Variants in YLPM1 observed in about 807,000 individuals in gnomAD.
The protein encoded by YLPM1 is YLP motif-containing protein 1.
A neutral mutation model predicts 230.0 loss-of-function variants in YLPM1; 99 were observed. The observed-to-expected ratio is 0.43, with a 90% confidence interval of 0.37 to 0.51. The LOEUF (loss-of-function observed/expected upper bound fraction) is 0.51, where lower values mean the gene tolerates loss of function less well. Among genes scored for constraint, YLPM1 ranks in the 20% least tolerant of loss-of-function variants. The pLI, the probability that YLPM1 is intolerant of heterozygous loss-of-function variation, is 0.00. For missense variants in YLPM1, 2,592 were observed against 2,707.7 expected (o/e 0.96, Z 0.95); for synonymous variants, 984 against 942.5 (o/e 1.04, Z -0.81).
Position 74,781,783 on chromosome 14 carries a change from T to C in YLPM1, c.1740T>C (p.Pro580=). The change falls in exon 4 of 21, where the codon CCT becomes CCC. Residue 580 remains proline, a synonymous_variant. Coordinates refer to ENST00000325680, the MANE Select transcript of YLPM1 (RefSeq NM_019589.3). ...PTSVPPPGMP[P]SLSSAGPPPV... ...CTGTTCCCCCACCAGGGATGCCTCC[T>C]TCTCTCTCTTCTGCAGGGCCACCAC... is the stretch of plus-strand genomic sequence containing the variant. 1 of 1,606,344 alleles carries C rather than the reference T, an allele frequency of 6.2e-7. No individual in the cohort carries two copies.
At position 74,778,343 on chromosome 14, in the gene YLPM1, A is replaced by G. The variant is rs1479727321; in HGVS notation, c.874-104A>G. ...TCAGTCTAGCTTTGCCTTTTTTTAC[A>G]TATAGACACATGAACACAGACATAA... is the stretch of plus-strand genomic sequence containing the variant. On this transcript the variant is annotated intron_variant, in intron 1 of 20. Coordinates refer to ENST00000325680, the MANE Select transcript of YLPM1 (RefSeq NM_019589.3). 7 of 995,366 alleles carry G rather than the reference A, an allele frequency of 7.0e-6. 1 individual carries two copies. The South Asian group carries it at 8.5e-5, about 12-fold the overall frequency. The allele number at this position is 995,366 out of a possible 1,614,324, so 61.7% of individuals were successfully genotyped here.
chr14:74,830,253 G>A (rs148024652), intron 19 of YLPM1, among the ~76,000 whole-genome samples: 272 of 152,200 alleles, frequency 1.8e-3, no homozygotes, highest in African/African-American at 4.2e-3. Flanking sequence ...AAATGATGAA[G>A]TACAGTACAG....
chr14:74,805,284 G>T (rs757995835), intron 6 of YLPM1, among the ~76,000 whole-genome samples: 4 of 151,952 alleles, frequency 2.6e-5, no homozygotes, highest in Non-Finnish European at 4.4e-5. Flanking sequence ...GCCTCCGAAA[G>T]TGCTGGGATT....
chr14:74,763,807 G>C lies in YLPM1; in HGVS notation c.318G>C (p.Pro106=). ...GAGACTGGCAGCCGCCACCGCCACC[G>C]ATGCCCCCGCCACCCGGGCCGGCCC... The part of the protein sequence containing the change: ...GYGDWQPPPP[P]MPPPPGPALS... Residue 106 remains proline, a synonymous_variant, in exon 1 of 21, where the codon CCG becomes CCC. Transcript: ENST00000325680. The C allele has an allele frequency of 6.6e-7, 1 of 1,510,888 alleles. No homozygotes were observed. The highest frequency in any genetic ancestry group is 8.9e-7 in the Non-Finnish European group (1 of 1,129,546). The allele number at this position is 1,510,888 out of a possible 1,614,324, so 93.6% of individuals were successfully genotyped here. A position where few individuals can be genotyped will look rare whatever the true frequency, so the allele number is the denominator to read the frequency against.
At chr14:74,813,299 C>G (rs2091451210) in intron 11 of YLPM1, among the ~76,000 whole-genome samples, 1 of 152,182 alleles carries the variant, frequency 6.6e-6, no homozygotes, top group Admixed American at 6.5e-5. Flanking sequence ...TACTATATAG[C>G]TACTTGACCT....
chr14:74,788,845 G>T (rs2091174434), intron 4 of YLPM1, among the ~76,000 whole-genome samples: 1 of 152,012 alleles, frequency 6.6e-6, no homozygotes, highest in East Asian at 1.9e-4. Flanking sequence ...CAAAAAAAAA[G>T]AAAGAAAAGA....
chr14:74,776,608 C>T (rs1170200497), intron 1 of YLPM1, among the ~76,000 whole-genome samples: 1 of 152,104 alleles, frequency 6.6e-6, no homozygotes, highest in Non-Finnish European at 1.5e-5. Context: ...GAAAATGACA[C>T]TTATTTATAG....
At chr14:74,774,336 G>T (rs1000581507) in intron 1 of YLPM1, among the ~76,000 whole-genome samples, 5 of 151,850 alleles carry the variant, frequency 3.3e-5, no homozygotes, top group African/African-American at 1.2e-4. Flanking sequence ...GGGTTCAAGC[G>T]AGTCTCCCGT....
At position 74,799,216 on chromosome 14, in the gene YLPM1, G is replaced by C. The variant is rs761601017; in HGVS notation, c.3919G>C (p.Glu1307Gln). The change falls in exon 5 of 21, where the codon GAG (glutamate) becomes CAG (glutamine). Residue 1307 changes from glutamate to glutamine, a missense_variant. Glu to Gln is a conservative substitution (Grantham distance 29, BLOSUM62 2). Around this residue, in one of 4 missense-constraint regions of YLPM1, gnomAD observed 1,862 missense variants for 1,819.8 expected, o/e 1.02. Coordinates refer to ENST00000325680, the MANE Select transcript of YLPM1 (RefSeq NM_019589.3). ...TATGTATGATAGAAGTTTGGATAAT[G>C]AGTGGGACAGAGATTATGGGAGACC... is the stretch of plus-strand genomic sequence containing the variant. ...MDMYDRSLDN[E>Q]WDRDYGRPLD... 5 of 1,613,888 alleles carry C rather than the reference G, an allele frequency of 3.1e-6. No individual in the cohort carries two copies. The highest frequency in any genetic ancestry group is 3.4e-6 in the Non-Finnish European group (4 of 1,179,900).
intron 6 of YLPM1, among the ~76,000 whole-genome samples, chr14:74,803,398 A>G (rs1054445681): frequency 2.0e-5 from 3 of 152,236 alleles, no homozygotes; most frequent in Non-Finnish European, 2.9e-5. Context: ...TTATGACAGC[A>G]TAATGAAGAA....
chr14:74,778,766 A>T, intron 2 of YLPM1, 83 bp downstream of exon 2: 1 of 1,309,100 alleles, frequency 7.6e-7, no homozygotes, highest in Non-Finnish European at 1.0e-6. Context: ...TCATAAATGG[A>T]TATATATTTT....
intron 16 of YLPM1, 120 bp from the exon 17 acceptor site, chr14:74,820,937 A>G (rs2091515811): frequency 8.9e-7 from 1 of 1,118,710 alleles, no homozygotes; most frequent in Non-Finnish European, 1.2e-6. Context: ...ATTACTTGGT[A>G]TGTAACAGTG....
chr14:74,785,225 G>A (rs1170139082), intron 4 of YLPM1, among the ~76,000 whole-genome samples: 1 of 151,918 alleles, frequency 6.6e-6, no homozygotes, highest in Non-Finnish European at 1.5e-5. Context: ...TTCTAGTTAG[G>A]TTTGCACCAT....
chr14:74,812,907 C>A, intron 11 of YLPM1, 125 bp downstream of exon 11: 2 of 1,262,180 alleles, frequency 1.6e-6, no homozygotes, highest in South Asian at 1.7e-5. Context: ...AGACGTTTTA[C>A]TATCTCTAAA....
rs1594852000 is a variant in YLPM1 at position 74,837,121 on chromosome 14, G to C, written c.*1383G>C. 2.0e-5 allele frequency: 3 copies of C among 152,136 alleles called. No individual in the cohort carries two copies. In the East Asian group the frequency reaches 5.8e-4, roughly 29 times the overall value. 9.4% of individuals were successfully genotyped at this position (152,136 alleles called of 1,614,324 possible). A position where few individuals can be genotyped will look rare whatever the true frequency, so the allele number is the denominator to read the frequency against. ...ATAGAGCTAATAGTTACTAGCATTT[G>C]AATAGTATCACTTTGGGTTCAACAA... On this transcript the variant is annotated 3_prime_UTR_variant, in exon 21 of 21. Transcript: ENST00000325680.
intron 1 of YLPM1, among the ~76,000 whole-genome samples, chr14:74,769,974 A>C (rs2090960990): frequency 6.7e-6 from 1 of 149,876 alleles, no homozygotes; most frequent in Non-Finnish European, 1.5e-5. Context: ...CGAGGTCAGA[A>C]GATCAAGACC....
In YLPM1 at chr14:74,781,909, A is replaced by C. The variant is rs760079411; in HGVS notation, c.1866A>C (p.Pro622=). The part of the protein sequence containing the change: ...STAPPPVMPL[P]PLSSATPPPG... ...CACCTCCACCTGTCATGCCCCTCCC[A>C]CCATTGTCTTCAGCTACACCTCCTC... is the stretch of plus-strand genomic sequence containing the variant. The change falls in exon 4 of 21, where the codon CCA becomes CCC. Residue 622 remains proline (P), a synonymous_variant. Coordinates refer to ENST00000325680, the MANE Select transcript of YLPM1 (RefSeq NM_019589.3). The C allele has an allele frequency of 3.1e-6, 5 of 1,610,864 alleles. No homozygotes were observed. In the Admixed American group the frequency reaches 5.0e-5, roughly 16 times the overall value.
At chr14:74,814,794 G>A (rs753313600) in intron 11 of YLPM1, among the ~76,000 whole-genome samples, 2 of 152,200 alleles carry the variant, frequency 1.3e-5, no homozygotes, top group Non-Finnish European at 2.9e-5. Flanking sequence ...AAGACCTTGG[G>A]AAGAGTCGGT....
At position 74,790,763 on chromosome 14, in the gene YLPM1, G is replaced by A. The variant is rs1438136653; in HGVS notation, c.2283-6817G>A. Among the ~76,000 whole-genome samples the A allele has an allele frequency of 2.6e-5, 4 of 152,152 alleles. 1 individual carries two copies. The East Asian group carries it at 7.7e-4, about 29-fold the overall frequency. On this transcript the variant is annotated intron_variant, in intron 4 of 20. Transcript: ENST00000325680. ...TGTTTCTACTATATTTTAAATACATGTTTTTATATGTCAAAAGGGTCATAG... is the reference window on the plus strand; with the variant it reads ...TGTTTCTACTATATTTTAAATACATATTTTTATATGTCAAAAGGGTCATAG...
Sources: allele counts gnomAD v4.1 joint callset (sites outside exome capture counted in the v4.1 genomes callset), GRCh38; gene constraint gnomAD v4.1.1; regional missense constraint gnomAD v4.1.1; transcripts MANE v1.5; gene names NCBI Gene and HGNC (gene_info 2026-07-23, HGNC 2026-07-21).